Variants in NINJ2 observed in about 807,000 individuals in gnomAD.
NINJ2 encodes ninjurin-2.
In NINJ2, 12 loss-of-function variants were observed where a neutral mutation model predicts 11.7. The observed-to-expected ratio is 1.02, with a 90% CI of 0.66 to 1.66. The LOEUF (loss-of-function observed/expected upper bound fraction) is 1.66. NINJ2 is among the 40% of genes most tolerant of loss of function. The pLI, the probability that NINJ2 is intolerant of heterozygous loss-of-function variation, is 0.00. For synonymous variants in NINJ2, 93 were observed against 76.8 expected (o/e 1.21, Z -1.10); for missense variants, 187 against 181.8 (o/e 1.03, Z -0.16).
intron 1 of NINJ2, among the ~76,000 whole-genome samples, chr12:595,849 T>C (rs182675312): frequency 1.3e-5 from 2 of 152,292 alleles, no homozygotes; most frequent in East Asian, 3.9e-4. Flanking sequence ...ATGAACCTGA[T>C]TTGAAAAAAT....
intron 1 of NINJ2, among the ~76,000 whole-genome samples, chr12:635,759 C>T (rs12578245): frequency 0.19 from 29,282 of 152,134 alleles, 2,947 homozygotes; most frequent in South Asian, 0.26. Flanking sequence ...ACAGAACTTG[C>T]GCACCAAAGG....
chr12:600,976 T>G (rs1186039760), intron 1 of NINJ2, among the ~76,000 whole-genome samples: 1 of 152,198 alleles, frequency 6.6e-6, no homozygotes, highest in East Asian at 1.9e-4. Flanking sequence ...GAACTCTCAA[T>G]AGTTAAAACA....
At chr12:619,231 G>A (rs553502516) in intron 1 of NINJ2, among the ~76,000 whole-genome samples, 1 of 152,300 alleles carries the variant, frequency 6.6e-6, no homozygotes, top group Admixed American at 6.5e-5. Context: ...CTTGGGGTAG[G>A]GGATGGAGAG....
chr12:585,788 G>C lies in NINJ2; in HGVS notation c.34-19610C>G, dbSNP rs977750605. The C allele has an allele frequency of 3.3e-5, 5 of 152,374 alleles. No individual in the cohort carries two copies. Among genetic ancestry groups the C allele is most frequent in the African/African-American group, 1.2e-4 (5 of 41,558 alleles). 9.4% of individuals were successfully genotyped at this position (152,374 alleles called of 1,614,324 possible). On this transcript the variant is annotated intron_variant, in intron 1 of 3. Coordinates refer to ENST00000305108, the MANE Select transcript of NINJ2 (RefSeq NM_016533.6). The surrounding 1 kb of genome is among the most constrained non-coding windows in gnomAD (Gnocchi z 4.1). ...GCATGGCTTAGAAAGGAATAGCTCA[G>C]ACGGAGTTTGTGATTAATTACGGGA...
chr12:657,446 G>T (rs563103601), intron 1 of NINJ2, among the ~76,000 whole-genome samples: 1 of 152,040 alleles, frequency 6.6e-6, no homozygotes, highest in African/African-American at 2.4e-5. Flanking sequence ...AAATTAGCCG[G>T]GGCATGGTGG....
chr12:661,651 A>G (rs1179231629), intron 1 of NINJ2, among the ~76,000 whole-genome samples: 1 of 152,200 alleles, frequency 6.6e-6, no homozygotes, highest in Admixed American at 6.5e-5. Context: ...ACCCATCAGC[A>G]CATAAGAAAC....
Position 565,344 on chromosome 12 carries a change from G to A in NINJ2, c.320C>T (p.Ala107Val). ...KQWRLNQLNN[A>V]ATILVFFTVV... ...AGTGAAGAAGACCAAGATGGTGGCT[G>A]CGTTGTTGAGCTGGTTGAGTCGCCA... The change falls in exon 3 of 4, where the codon GCA becomes GTA. Residue 107 changes from alanine (A) to valine (V), a missense_variant. Physicochemically the swap from Ala to Val is moderately conservative, Grantham distance 64. Transcript: ENST00000305108. 1 of 1,614,250 alleles carries A rather than the reference G, an allele frequency of 6.2e-7. No individual in the cohort carries two copies. The highest frequency in any genetic ancestry group is 8.5e-7 in the Non-Finnish European group (1 of 1,180,038).
At chr12:630,359 G>T (rs113706304) in intron 1 of NINJ2, among the ~76,000 whole-genome samples, 2 of 149,832 alleles carry the variant, frequency 1.3e-5, no homozygotes, top group Admixed American at 6.6e-5. Flanking sequence ...CTTTTTCTTG[G>T]TTTTTTGTTT....
intron 1 of NINJ2, among the ~76,000 whole-genome samples, chr12:594,815 T>C (rs1053096621): frequency 3.3e-5 from 5 of 152,176 alleles, no homozygotes; most frequent in Admixed American, 2.6e-4. Context: ...ATTTTGTAGA[T>C]ATCAACAAAC....
rs117564516 is a variant in NINJ2, at chr12:566,753, G to A, written c.34-575C>T. Among the ~76,000 whole-genome samples, 532 of 152,326 alleles carry A rather than the reference G, an allele frequency of 3.5e-3. 2 individuals are homozygous for A. The highest frequency in any genetic ancestry group is 5.9e-3 in the Non-Finnish European group (404 of 68,032). On this transcript the variant is annotated intron_variant, in intron 1 of 3. Coordinates refer to ENST00000305108, the MANE Select transcript of NINJ2 (RefSeq NM_016533.6). Reference sequence around the variant, plus strand: ...ACACGCTGTCAGACACAGGCTCTCAGCATACACATGCATGCATGCATGAGT... The same window carrying A: ...ACACGCTGTCAGACACAGGCTCTCAACATACACATGCATGCATGCATGAGT...
At chr12:577,433 A>G (rs1386767732) in intron 1 of NINJ2, among the ~76,000 whole-genome samples, 1 of 139,974 alleles carries the variant, frequency 7.1e-6, no homozygotes, top group Non-Finnish European at 1.6e-5. Context: ...ATATATACAT[A>G]TATATATATA....
intron 1 of NINJ2, among the ~76,000 whole-genome samples, chr12:636,465 G>T (rs1042320251): frequency 2.6e-5 from 4 of 151,928 alleles, no homozygotes; most frequent in Non-Finnish European, 5.9e-5. Flanking sequence ...GAAAATATTT[G>T]TAAACCATAT....
intron 1 of NINJ2, among the ~76,000 whole-genome samples, chr12:659,908 G>A (rs573869631): frequency 2.0e-5 from 3 of 152,222 alleles, no homozygotes; most frequent in African/African-American, 4.8e-5. Flanking sequence ...GACATTGAGG[G>A]TATGCCCAGG....
At chr12:576,351 C>G (rs950871339) in intron 1 of NINJ2, among the ~76,000 whole-genome samples, 9 of 152,242 alleles carry the variant, frequency 5.9e-5, no homozygotes, top group African/African-American at 2.2e-4. Flanking sequence ...GGCTTTGACC[C>G]CTTTGTGATC....
intron 1 of NINJ2, among the ~76,000 whole-genome samples, chr12:632,825 G>C (rs1330753003): frequency 6.6e-6 from 1 of 152,194 alleles, no homozygotes; most frequent in African/African-American, 2.4e-5. Flanking sequence ...TTGTAAAAAT[G>C]AGGAAACTGA....
chr12:581,491 C>T lies in NINJ2; in HGVS notation c.34-15313G>A, dbSNP rs899565523. On this transcript the variant is annotated intron_variant, in intron 1 of 3. Coordinates refer to ENST00000305108, the MANE Select transcript of NINJ2 (RefSeq NM_016533.6). The surrounding 1 kb of genome is among the most constrained non-coding windows in gnomAD (Gnocchi z 4.9). ...GGATTGCCTGGCCCTAGGACTCATG[C>T]CTTTTCCCTGCCAGCAAAGCAGGTC... Among the ~76,000 whole-genome samples, 3 of 152,172 alleles carry T rather than the reference C, an allele frequency of 2.0e-5. No individual in the cohort carries two copies. The highest frequency in any genetic ancestry group is 4.8e-5 in the African/African-American group (2 of 41,432).
intron 1 of NINJ2, among the ~76,000 whole-genome samples, chr12:623,372 G>A (rs765765505): frequency 8.5e-5 from 13 of 152,172 alleles, no homozygotes; most frequent in African/African-American, 3.1e-4. Context: ...CTTCACCTCA[G>A]GCCCTGTGTG....
intron 1 of NINJ2, among the ~76,000 whole-genome samples, chr12:600,130 C>T (rs1343041372): frequency 6.6e-6 from 1 of 152,146 alleles, no homozygotes; most frequent in African/African-American, 2.4e-5. Flanking sequence ...TTCCTCGGGG[C>T]TGAATTTCTC....
chr12:575,184 C>T (rs1947437387), intron 1 of NINJ2, among the ~76,000 whole-genome samples: 1 of 152,232 alleles, frequency 6.6e-6, no homozygotes, highest in Non-Finnish European at 1.5e-5. Flanking sequence ...CGCCTTCGAG[C>T]CGCCTGCAGG....
Sources: allele counts gnomAD v4.1 joint callset (sites outside exome capture counted in the v4.1 genomes callset), GRCh38; gene constraint gnomAD v4.1.1; non-coding constraint Gnocchi (gnomAD v3.1); transcripts MANE v1.5; gene names NCBI Gene and HGNC (gene_info 2026-07-23, HGNC 2026-07-21).